The following KATNA1 variants were observed in gnomAD, a reference collection of about 807,000 sequenced individuals.
The protein encoded by KATNA1 is katanin catalytic subunit A1.
A neutral mutation model predicts 62.6 loss-of-function variants in KATNA1; 42 were observed. The ratio of observed to expected loss-of-function variants is 0.67; its 90% CI spans 0.52 to 0.87. The LOEUF (loss-of-function observed/expected upper bound fraction) is 0.87, where lower values mean the gene tolerates loss of function less well. Among genes scored for constraint, KATNA1 ranks in the 40% least tolerant of loss-of-function variants. The pLI is 0.00. For synonymous variants in KATNA1, 186 were observed against 201.9 expected (o/e 0.92, Z 0.67); for missense variants, 498 against 612.5 (o/e 0.81, Z 1.97).
In KATNA1 at chr6:149,632,789, A is replaced by T. The variant is rs1191524990; in HGVS notation, c.290T>A (p.Val97Asp). The T allele has an allele frequency of 6.2e-7, 1 of 1,613,436 alleles. No homozygotes were observed. Among genetic ancestry groups the T allele is most frequent in the Non-Finnish European group, 8.5e-7 (1 of 1,179,854 alleles). The change falls in exon 3 of 11, where the codon GTC becomes GAC. Residue 97 changes from valine (V) to aspartate (D), a missense_variant. Physicochemically the swap from Val to Asp is radical, Grantham distance 152. Around this residue, in one of 3 missense-constraint regions of KATNA1, gnomAD observed 203 missense variants for 198.4 expected, o/e 1.02. Transcript: ENST00000367411. Reference sequence around the variant, plus strand: ...TTCAACAGGTACAGGCATGGACCAGACTTCTCCCTCAGAAGCTGGAAGGTC... The same window carrying T: ...TTCAACAGGTACAGGCATGGACCAGTCTTCTCCCTCAGAAGCTGGAAGGTC... ...QHDLPASEGE[V>D]WSMPVPVERR...
chr6:149,640,849 G>A (rs1436147414), intron 1 of KATNA1, among the ~76,000 whole-genome samples: 2 of 150,568 alleles, frequency 1.3e-5, no homozygotes, highest in African/African-American at 2.4e-5. Flanking sequence ...GCCTGGCCTC[G>A]GGTATTTTTG....
intron 1 of KATNA1, among the ~76,000 whole-genome samples, chr6:149,644,147 A>T (rs1222040014): frequency 6.6e-6 from 1 of 151,984 alleles, no homozygotes; most frequent in African/African-American, 2.4e-5. Context: ...CCCTACAGAG[A>T]CACCTAGTCT....
At chr6:149,613,500 T>G (rs906404193) in intron 4 of KATNA1, among the ~76,000 whole-genome samples, 3 of 152,064 alleles carry the variant, frequency 2.0e-5, no homozygotes, top group Non-Finnish European at 4.4e-5. Context: ...AATGAACAAT[T>G]CTAGCATAGT....
intron 6 of KATNA1, 129 bp from the exon 7 acceptor site, chr6:149,601,881 A>G: frequency 1.8e-6 from 1 of 562,172 alleles, no homozygotes; most frequent in Non-Finnish European, 2.8e-6. Context: ...AGACAAACAG[A>G]TAAACAGGAG....
intron 1 of KATNA1, among the ~76,000 whole-genome samples, chr6:149,643,615 G>C (rs1210649424): frequency 6.6e-6 from 1 of 151,752 alleles, no homozygotes; most frequent in Non-Finnish European, 1.5e-5. Flanking sequence ...TACATCTCTA[G>C]CACCTAGAAC....
intron 2 of KATNA1, 130 bp downstream of exon 2, chr6:149,638,256 G>A (rs1448617202): frequency 1.2e-5 from 10 of 802,508 alleles, no homozygotes; most frequent in South Asian, 2.2e-5. Context: ...CTACAGGAGT[G>A]AGCCACTGTG....
intron 7 of KATNA1, 107 bp downstream of exon 7, chr6:149,601,487 G>A: frequency 2.1e-6 from 2 of 969,122 alleles, no homozygotes; most frequent in Non-Finnish European, 3.0e-6. Context: ...CATACTCTGG[G>A]CAAAATGGCA....
intron 8 of KATNA1, among the ~76,000 whole-genome samples, 199 bp from the exon 9 acceptor site, chr6:149,597,840 T>C (rs1778386733): frequency 6.6e-6 from 1 of 152,240 alleles, no homozygotes; most frequent in South Asian, 2.1e-4. Flanking sequence ...TATGCAAATA[T>C]ATGACTCAAA....
intron 4 of KATNA1, among the ~76,000 whole-genome samples, chr6:149,606,545 G>A (rs1778746378): frequency 6.6e-6 from 1 of 151,552 alleles, no homozygotes; most frequent in Non-Finnish European, 1.5e-5. Context: ...GGCCAAATAA[G>A]CATCAGTTCC....
chr6:149,609,031 A>G (rs1357597208), intron 4 of KATNA1, among the ~76,000 whole-genome samples: 1 of 152,268 alleles, frequency 6.6e-6, no homozygotes, highest in Non-Finnish European at 1.5e-5. Context: ...AGAACCATGA[A>G]AATCTCAAAT....
chr6:149,623,208 T>C lies in KATNA1; in HGVS notation c.396A>G (p.Thr132=), dbSNP rs755578956. ...CAGATGAACGGTGAACTCTGACAGT[T>C]GTACTTGGACGATTACCATGTGATT... The part of the protein sequence containing the change: ...DPKSHGNRPS[T]TVRVHRSSAQ... The change falls in exon 4 of 11, where the codon ACA becomes ACG. Residue 132 remains threonine (T), a synonymous_variant. Coordinates refer to ENST00000367411, the MANE Select transcript of KATNA1 (RefSeq NM_007044.4). The C allele has an allele frequency of 5.0e-6, 8 of 1,613,672 alleles. No homozygotes were observed. In the African/African-American group the frequency reaches 8.0e-5, roughly 16 times the overall value.
chr6:149,638,902 AATT>A (rs1780178670), intron 1 of KATNA1, among the ~76,000 whole-genome samples: 2 of 151,674 alleles, frequency 1.3e-5, no homozygotes, highest in Admixed American at 1.3e-4. Context: ...ATGCCCGGCT[AATT>A]TTTTTTGTAT....
At chr6:149,632,187 A>G (rs971685311) in intron 3 of KATNA1, among the ~76,000 whole-genome samples, 6 of 151,800 alleles carry the variant, frequency 4.0e-5, no homozygotes, top group Non-Finnish European at 7.4e-5. Flanking sequence ...AGGTGAGGAG[A>G]ACGAGACCAG....
At chr6:149,602,349 C>T (rs564353725) in intron 6 of KATNA1, among the ~76,000 whole-genome samples, 3 of 152,004 alleles carry the variant, frequency 2.0e-5, no homozygotes, top group East Asian at 1.9e-4. Flanking sequence ...GGCGACAGAG[C>T]GAGACTCCAT....
At chr6:149,597,230 T>C in intron 9 of KATNA1, 41 bp from the exon 10 acceptor site, 1 of 1,598,644 alleles carries the variant, frequency 6.3e-7, no homozygotes, top group Non-Finnish European at 8.5e-7. Flanking sequence ...GCCTGCAGCA[T>C]AAACATAGTA....
At chr6:149,647,759 T>C (rs1780545680) in intron 1 of KATNA1, among the ~76,000 whole-genome samples, 1 of 152,152 alleles carries the variant, frequency 6.6e-6, no homozygotes, top group African/African-American at 2.4e-5. Context: ...CGTAAATTAG[T>C]GCTTTCAAGA....
chr6:149,601,823 T>C (rs1033333700), intron 6 of KATNA1, 71 bp from the exon 7 acceptor site: 2 of 1,263,800 alleles, frequency 1.6e-6, no homozygotes, highest in African/African-American at 3.0e-5. Context: ...GTGTCATTAC[T>C]AAGTAGCAAA....
intron 5 of KATNA1, among the ~76,000 whole-genome samples, chr6:149,603,698 G>A (rs1778634255): frequency 1.3e-5 from 2 of 151,980 alleles, no homozygotes; most frequent in Non-Finnish European, 2.9e-5. Flanking sequence ...TAATCTCCAT[G>A]ATTTAGAAAC....
rs549538772 is a variant in KATNA1, at chr6:149,599,000, G to A, written c.889-650C>T. On this transcript the variant is annotated intron_variant, in intron 7 of 10. Transcript: ENST00000367411. ...TCACCTCAACCTCCCGAGTAGCTAG[G>A]ACTACAGGTGTGTGCCACCACACCA... is the stretch of plus-strand genomic sequence containing the variant. Among the ~76,000 whole-genome samples the A allele has an allele frequency of 2.0e-5, 3 of 152,042 alleles. No individual in the cohort carries two copies. In the South Asian group the frequency reaches 6.3e-4, roughly 32 times the overall value.
Sources: allele counts gnomAD v4.1 joint callset (sites outside exome capture counted in the v4.1 genomes callset), GRCh38; gene constraint gnomAD v4.1.1; regional missense constraint gnomAD v4.1.1; transcripts MANE v1.5; gene names NCBI Gene and HGNC (gene_info 2026-07-23, HGNC 2026-07-21).